Variants in APP observed in about 807,000 individuals in gnomAD.
APP encodes amyloid-beta precursor protein.
A neutral mutation model predicts 101.4 loss-of-function variants in APP; 31 were observed. The observed-to-expected ratio is 0.31, with a 90% CI of 0.23 to 0.41. The LOEUF (loss-of-function observed/expected upper bound fraction) is 0.41, where lower values mean the gene tolerates loss of function less well. APP is among the 10% of genes least tolerant of loss of function. The pLI, the probability that APP is intolerant of heterozygous loss-of-function variation, is 1.00. For missense variants in APP, 839 were observed against 1,003.7 expected, an observed-to-expected ratio of 0.84 and a Z score of 2.22; for synonymous variants, 366 against 364.4, an observed-to-expected ratio of 1.00 and a Z score of -0.05.
intron 11 of APP, among the ~76,000 whole-genome samples, chr21:25,966,631 C>G (rs2041806770): frequency 6.6e-6 from 1 of 152,080 alleles, no homozygotes; most frequent in African/African-American, 2.4e-5. Flanking sequence ...GTACAGATGT[C>G]CCATATTTGC....
At position 25,881,788 on chromosome 21, in the gene APP, G is replaced by C; in HGVS notation, c.2212-17C>G. 6.2e-7 allele frequency: 1 copy of C among 1,610,220 alleles called. No individual in the cohort carries two copies. Among genetic ancestry groups the C allele is most frequent in the South Asian group, 1.1e-5 (1 of 90,986 alleles). ...GGCGTCAACCTGAAAAACAAGAGGAGAGCTGAGTAAAAAATAAAAATCAAT... is the reference window on the plus strand; with the variant it reads ...GGCGTCAACCTGAAAAACAAGAGGACAGCTGAGTAAAAAATAAAAATCAAT... On this transcript the variant is annotated splice_polypyrimidine_tract_variant and intron_variant, in intron 17 of 17. Transcript: ENST00000346798.
intron 3 of APP, among the ~76,000 whole-genome samples, chr21:26,081,152 T>C (rs1233088099): frequency 1.3e-5 from 2 of 152,204 alleles, no homozygotes; most frequent in Non-Finnish European, 2.9e-5. Flanking sequence ...CCATATTACT[T>C]ATGCACCAGG....
At chr21:26,088,230 T>C (rs2061742458) in intron 3 of APP, among the ~76,000 whole-genome samples, 1 of 152,230 alleles carries the variant, frequency 6.6e-6, no homozygotes, top group African/African-American at 2.4e-5. Flanking sequence ...GTTCAAAGGA[T>C]ATTTGCTACA....
At chr21:26,037,877 T>C (rs1362781987) in intron 5 of APP, among the ~76,000 whole-genome samples, 1 of 152,200 alleles carries the variant, frequency 6.6e-6, no homozygotes, top group Non-Finnish European at 1.5e-5. Context: ...TAGTATATTC[T>C]AGGAGATAAA....
rs1305155348 is a variant in APP at position 25,880,661 on chromosome 21, C to T, written c.*1009G>A. ...ATGCCTTCCTCATCCCCTTATATTG[C>T]CACTTCCATTTTCATCTTCTTTTGT... On this transcript the variant is annotated 3_prime_UTR_variant, in exon 18 of 18. Coordinates refer to ENST00000346798, the MANE Select transcript of APP (RefSeq NM_000484.4). 2.0e-5 allele frequency: 3 copies of T among 152,240 alleles called. No homozygotes were observed. Among genetic ancestry groups the T allele is most frequent in the Non-Finnish European group, 4.4e-5 (3 of 68,038 alleles). The allele number at this position is 152,240 out of a possible 1,614,324, so 9.4% of individuals were successfully genotyped here.
At chr21:26,004,452 G>A (rs907451141) in intron 6 of APP, among the ~76,000 whole-genome samples, 10 of 147,562 alleles carry the variant, frequency 6.8e-5, no homozygotes, top group East Asian at 2.0e-4. Flanking sequence ...GCCACACACC[G>A]GCTAATTTTT....
chr21:26,077,003 C>T lies in APP; in HGVS notation c.355+12940G>A, dbSNP rs141673456. Among the ~76,000 whole-genome samples, 47 of 148,928 alleles carry T rather than the reference C, an allele frequency of 3.2e-4. No individual in the cohort carries two copies. In the South Asian group the frequency reaches 5.7e-3, roughly 18 times the overall value. Reference sequence around the variant, plus strand: ...GCGTGAACCCAGGAGGCGGAGGCTGCGATGAGCCAAGACTGCGCCACTGCG... The same window carrying T: ...GCGTGAACCCAGGAGGCGGAGGCTGTGATGAGCCAAGACTGCGCCACTGCG... On this transcript the variant is annotated intron_variant, in intron 3 of 17. Coordinates refer to ENST00000346798, the MANE Select transcript of APP (RefSeq NM_000484.4).
chr21:25,997,225 T>C, intron 8 of APP, 135 bp downstream of exon 8: 1 of 858,784 alleles, frequency 1.2e-6, no homozygotes, highest in Non-Finnish European at 1.9e-6. Context: ...AGCAAGGTAA[T>C]GGGAAGAAAC....
intron 5 of APP, among the ~76,000 whole-genome samples, chr21:26,026,915 T>C (rs2044603814): frequency 6.6e-6 from 1 of 152,214 alleles, no homozygotes; most frequent in Admixed American, 6.5e-5. Flanking sequence ...GGGACGCTGA[T>C]AATGGGAGAG....
At chr21:26,027,681 G>A (rs558937952) in intron 5 of APP, among the ~76,000 whole-genome samples, 2 of 152,300 alleles carry the variant, frequency 1.3e-5, no homozygotes, top group South Asian at 4.1e-4. Flanking sequence ...GGGCCAGCAA[G>A]TCTCTGTGTT....
intron 5 of APP, among the ~76,000 whole-genome samples, chr21:26,030,917 G>A (rs2044789623): frequency 6.6e-6 from 1 of 152,138 alleles, no homozygotes; most frequent in Non-Finnish European, 1.5e-5. Flanking sequence ...TGGAGTCTAG[G>A]GATGCTGCAG....
At chr21:26,100,665 G>C (rs1431391955) in intron 2 of APP, among the ~76,000 whole-genome samples, 2 of 145,644 alleles carry the variant, frequency 1.4e-5, no homozygotes, top group African/African-American at 2.4e-5. Context: ...AAAGGAAATG[G>C]TTTTGCTCAA....
chr21:26,010,721 T>A (rs1390133060), intron 6 of APP, among the ~76,000 whole-genome samples: 1 of 143,050 alleles, frequency 7.0e-6, no homozygotes, highest in African/African-American at 2.6e-5. Flanking sequence ...CTTGGGAGGC[T>A]GAGGCAAGAG....
At chr21:26,160,984 G>C (rs1454096894) in intron 1 of APP, among the ~76,000 whole-genome samples, 1 of 152,110 alleles carries the variant, frequency 6.6e-6, no homozygotes, top group Non-Finnish European at 1.5e-5. Context: ...TATTTAAAAG[G>C]CTTTAATCTT....
chr21:26,061,509 G>A (rs1270472280), intron 3 of APP, among the ~76,000 whole-genome samples: 1 of 152,140 alleles, frequency 6.6e-6, no homozygotes. Context: ...TTTCCTGGGA[G>A]GCATCTGTAC....
intron 6 of APP, among the ~76,000 whole-genome samples, chr21:26,000,438 A>G (rs1360979841): frequency 6.6e-6 from 1 of 152,204 alleles, no homozygotes; most frequent in African/African-American, 2.4e-5. Context: ...CCAAAGGTGA[A>G]AAGATCATTT....
intron 2 of APP, 120 bp downstream of exon 2, chr21:26,111,859 T>C (rs1192640115): frequency 1.9e-6 from 2 of 1,028,944 alleles, no homozygotes; most frequent in African/African-American, 1.6e-5. Context: ...TGGTGAATCA[T>C]TAGGAACCAA....
intron 13 of APP, chr21:25,945,864 T>C (rs951880020): frequency 6.6e-6 from 3 of 454,998 alleles, no homozygotes; most frequent in Admixed American, 2.4e-5. Flanking sequence ...AATTTTTTTG[T>C]AGAAATGTGG....
intron 5 of APP, among the ~76,000 whole-genome samples, chr21:26,048,041 G>A (rs555247994): frequency 2.0e-5 from 3 of 152,182 alleles, no homozygotes; most frequent in Admixed American, 6.5e-5. Flanking sequence ...GTAAGGCCAG[G>A]CACGGTGGCT....
Sources: allele counts gnomAD v4.1 joint callset (sites outside exome capture counted in the v4.1 genomes callset), GRCh38; gene constraint gnomAD v4.1.1; transcripts MANE v1.5; gene names NCBI Gene and HGNC (gene_info 2026-07-23, HGNC 2026-07-21).